CLPTM1: variants seen among roughly 807,000 people sequenced by gnomAD.
The protein encoded by CLPTM1 is putative lipid scramblase CLPTM1.
Under a neutral mutation model 77.3 loss-of-function variants are expected in CLPTM1, and 21 were observed. The observed-to-expected ratio is 0.27, with a 90% confidence interval of 0.19 to 0.39. The LOEUF (loss-of-function observed/expected upper bound fraction) is 0.39. CLPTM1 is among the 10% of genes least tolerant of loss of function. CLPTM1 has a pLI of 1.00. For missense variants in CLPTM1, 642 were observed against 921.2 expected, an observed-to-expected ratio of 0.70 and a Z score of 3.92; for synonymous variants, 373 against 381.0, an observed-to-expected ratio of 0.98 and a Z score of 0.24.
chr19:44,992,556 C>G lies in CLPTM1; in HGVS notation c.1724-55C>G. ...GCATCACGCCCTCTCCACCCAGGCC[C>G]ACCTGGCTGTGGACGGGCCAGCCCG... On this transcript the variant is annotated intron_variant, in intron 13 of 13. Coordinates refer to ENST00000337392, the MANE Select transcript of CLPTM1 (RefSeq NM_001294.4). The surrounding 1 kb of genome is among the most constrained non-coding windows in gnomAD (Gnocchi z 7.7). 3 of 1,606,054 alleles carry G rather than the reference C, an allele frequency of 1.9e-6. No homozygotes were observed.
At chr19:44,981,177 T>C (rs998979785) in intron 5 of CLPTM1, among the ~76,000 whole-genome samples, 2 of 147,460 alleles carry the variant, frequency 1.4e-5, no homozygotes, top group African/African-American at 2.5e-5. Flanking sequence ...AGAGTTTCAC[T>C]CTTGTTGCCC....
At chr19:44,973,639 G>T (rs1970756894) in intron 3 of CLPTM1, among the ~76,000 whole-genome samples, 1 of 152,158 alleles carries the variant, frequency 6.6e-6, no homozygotes, top group South Asian at 2.1e-4. Context: ...TTGGGCACAG[G>T]CAGGGCAGGG....
At chr19:44,960,165 C>T (rs1207705178) in intron 1 of CLPTM1, among the ~76,000 whole-genome samples, 1 of 152,172 alleles carries the variant, frequency 6.6e-6, no homozygotes, top group Non-Finnish European at 1.5e-5. Context: ...CAGAATGTGG[C>T]TTTCTCTGTC....
At position 44,992,124 on chromosome 19, in the gene CLPTM1, A is replaced by T. The variant is rs1487676350; in HGVS notation, c.1556-109A>T. ...TGTGCCCAGGTATAGGAAGTGGTAG[A>T]GTGTGCCCAGGTGTAGGAAGTGGTG... On this transcript the variant is annotated intron_variant, in intron 12 of 13. Coordinates refer to ENST00000337392, the MANE Select transcript of CLPTM1 (RefSeq NM_001294.4). This position sits in a 1 kb window ranked among gnomAD's most constrained non-coding sequence, Gnocchi z 7.7. The T allele has an allele frequency of 1.7e-6, 2 of 1,143,780 alleles. No homozygotes were observed. The highest frequency in any genetic ancestry group is 2.5e-6 in the Non-Finnish European group (2 of 788,862). The allele number at this position is 1,143,780 out of a possible 1,614,324, so 70.9% of individuals were successfully genotyped here.
At chr19:44,966,736 C>T (rs1970635519) in intron 2 of CLPTM1, among the ~76,000 whole-genome samples, 1 of 151,878 alleles carries the variant, frequency 6.6e-6, no homozygotes, top group African/African-American at 2.4e-5. Context: ...CTGAGGGGTG[C>T]AGGAGCTGGC....
chr19:44,959,376 A>C (rs1970510530), intron 1 of CLPTM1, among the ~76,000 whole-genome samples: 1 of 150,178 alleles, frequency 6.7e-6, no homozygotes, highest in Admixed American at 6.6e-5. Context: ...TGTTTTTGAG[A>C]CAGAGTCATG....
intron 1 of CLPTM1, chr19:44,955,821 GTC>G: frequency 4.1e-6 from 1 of 243,532 alleles, no homozygotes; most frequent in Non-Finnish European, 7.9e-6. Context: ...TGGCGTTCAG[GTC>G]TCGTTGTAGT....
In CLPTM1 at chr19:44,985,799, G is replaced by T. The variant is rs551875120; in HGVS notation, c.672+496G>T. On this transcript the variant is annotated intron_variant, in intron 6 of 13. Coordinates refer to ENST00000337392, the MANE Select transcript of CLPTM1 (RefSeq NM_001294.4). ...GCACTAAGAGACTTCCTCTCTCTGC[G>T]GGTGGTCCTGTGTTGGGGGGGTGGT... Among the ~76,000 whole-genome samples the T allele has an allele frequency of 9.1e-4, 138 of 151,416 alleles. 1 individual carries two copies. The highest frequency in any genetic ancestry group is 3.2e-3 in the African/African-American group (131 of 40,678).
chr19:44,987,372 C>A lies in CLPTM1; in HGVS notation c.987C>A (p.Phe329Leu), dbSNP rs775565145. 6.2e-7 allele frequency: 1 copy of A among 1,614,074 alleles called. No individual in the cohort carries two copies. Among genetic ancestry groups the A allele is most frequent in the South Asian group, 1.1e-5 (1 of 91,080 alleles). Residue 329 changes from phenylalanine to leucine, a missense_variant, in exon 8 of 14, where the codon TTC (phenylalanine) becomes TTA (leucine). Physicochemically the swap from Phe to Leu is conservative, Grantham distance 22 (BLOSUM62 0). Transcript: ENST00000337392. The part of the protein sequence containing the change: ...AAQSTKSPWN[F>L]LGDELYEQSD... ...AGAGCACCAAGTCGCCCTGGAACTT[C>A]CTGGGTGATGAGTTGTACGAGCAGT...
chr19:44,972,072 T>C (rs1189703882), intron 2 of CLPTM1, among the ~76,000 whole-genome samples: 1 of 151,740 alleles, frequency 6.6e-6, no homozygotes, highest in African/African-American at 2.4e-5. Context: ...GGTTTCACCA[T>C]GTTGGCCACG....
At chr19:44,981,087 C>T (rs567963497) in intron 5 of CLPTM1, among the ~76,000 whole-genome samples, 191 of 152,102 alleles carry the variant, frequency 1.3e-3, no homozygotes, top group Non-Finnish European at 2.2e-3. Flanking sequence ...GTGATCCACC[C>T]GCCTTGGCCT....
intron 3 of CLPTM1, among the ~76,000 whole-genome samples, chr19:44,973,762 T>TTTTTTTGTTTTTGTTTTTG (rs1319550529): frequency 0.026 from 488 of 19,070 alleles, 8 homozygotes; most frequent in African/African-American, 0.069. Context: ...TCACAGTGGG[T>TTTTTTTGTTTTTGTTTTTG]TTTTTTTTTT....
intron 4 of CLPTM1, among the ~76,000 whole-genome samples, chr19:44,976,968 C>G (rs748379426): frequency 6.6e-6 from 1 of 152,202 alleles, no homozygotes; most frequent in African/African-American, 2.4e-5. Flanking sequence ...AGCTCCATGT[C>G]GGTCAGCTGC....
chr19:44,965,138 C>T (rs1406660370), intron 2 of CLPTM1, among the ~76,000 whole-genome samples: 1 of 152,024 alleles, frequency 6.6e-6, no homozygotes, highest in African/African-American at 2.4e-5. Context: ...TAAGAGACCA[C>T]ACCATGCAGT....
At chr19:44,989,353 C>T (rs934138674) in intron 9 of CLPTM1, among the ~76,000 whole-genome samples, 4 of 152,162 alleles carry the variant, frequency 2.6e-5, no homozygotes, top group African/African-American at 9.6e-5. Context: ...AGGCTGTCCT[C>T]CCCAGTGTCA....
chr19:44,958,788 G>A (rs1349740770), intron 1 of CLPTM1, among the ~76,000 whole-genome samples: 1 of 152,214 alleles, frequency 6.6e-6, no homozygotes, highest in Non-Finnish European at 1.5e-5. Flanking sequence ...GTCTGAGAAA[G>A]CTTCTGTCCC....
At chr19:44,967,579 C>A (rs1029461639) in intron 2 of CLPTM1, among the ~76,000 whole-genome samples, 1 of 151,886 alleles carries the variant, frequency 6.6e-6, no homozygotes, top group Non-Finnish European at 1.5e-5. Flanking sequence ...ATCGCTTGAA[C>A]CCGGGAGGCG....
chr19:44,974,722 C>A, intron 4 of CLPTM1, 125 bp downstream of exon 4: 1 of 1,063,174 alleles, frequency 9.4e-7, no homozygotes, highest in Non-Finnish European at 1.3e-6. Flanking sequence ...CTTCCCTGGG[C>A]TCACATGGTC....
chr19:44,954,758 G>C (rs572978287), upstream of CLPTM1: 5 of 1,345,140 alleles, frequency 3.7e-6, no homozygotes, highest in African/African-American at 4.4e-5. Flanking sequence ...CGAAGGCTTG[G>C]GGGTGTATCA....
Sources: gnomAD v4.1 joint callset for allele counts (sites outside exome capture counted in the v4.1 genomes callset) on GRCh38, gnomAD v4.1.1 for gene constraint, Gnocchi (gnomAD v3.1) non-coding constraint, MANE v1.5 for transcripts, NCBI Gene and HGNC (gene_info 2026-07-23, HGNC 2026-07-21) for gene names.